PDE1C: variants seen among roughly 807,000 people sequenced by gnomAD.
PDE1C encodes phosphodiesterase 1C.
PDE1C carries 62 observed loss-of-function variants against 93.1 expected under a neutral mutation model. That is an observed-to-expected ratio of 0.67 (90% CI 0.54 to 0.82). PDE1C has a LOEUF of 0.82. PDE1C is among the 40% of genes least tolerant of loss of function. PDE1C has a pLI of 0.00. For missense variants in PDE1C, 742 were observed against 884.6 expected (o/e 0.84, Z 2.04); for synonymous variants, 325 against 310.1 (o/e 1.05, Z -0.50).
chr7:31,707,139 T>C, the PDE1C span: 3 of 1,458,982 alleles, frequency 2.1e-6, no homozygotes, highest in Non-Finnish European at 2.9e-6. Context: ...ACTGTGTCTG[T>C]CTGCAACGTT....
intron 1 of PDE1C, among the ~76,000 whole-genome samples, chr7:32,339,191 TA>T (rs1350342262): frequency 1.3e-5 from 2 of 151,488 alleles, no homozygotes; most frequent in African/African-American, 4.9e-5. Flanking sequence ...TTAAAAGTCA[TA>T]ATAGGACAAC....
intron 1 of PDE1C, among the ~76,000 whole-genome samples, chr7:32,210,678 C>T (rs1204162644): frequency 1.3e-5 from 2 of 152,162 alleles, no homozygotes; most frequent in Non-Finnish European, 2.9e-5. Flanking sequence ...TCACCATCTA[C>T]ACTCTATTAC....
At chr7:31,847,023 T>G (rs1792720708) in intron 9 of PDE1C, among the ~76,000 whole-genome samples, 1 of 152,134 alleles carries the variant, frequency 6.6e-6, no homozygotes, top group African/African-American at 2.4e-5. Context: ...ATTATTTAAT[T>G]AAAATATGAG....
chr7:31,907,539 C>T (rs1458521450), intron 2 of PDE1C, among the ~76,000 whole-genome samples: 1 of 152,076 alleles, frequency 6.6e-6, no homozygotes, highest in East Asian at 1.9e-4. Flanking sequence ...GATAAGCATC[C>T]TTTTGTTAGG....
chr7:32,160,858 G>A (rs1801875298), intron 3 of PDE1C, among the ~76,000 whole-genome samples: 1 of 151,684 alleles, frequency 6.6e-6, no homozygotes, highest in Admixed American at 6.6e-5. Context: ...AGGGAGGGAG[G>A]GAGGGAAGAA....
chr7:31,725,222 G>A, the PDE1C span, among the ~76,000 whole-genome samples: 2 of 152,128 alleles, frequency 1.3e-5, no homozygotes, highest in Non-Finnish European at 2.9e-5. Context: ...GCACAAAGAT[G>A]ATCCTGATGG....
chr7:32,002,614 T>C lies in PDE1C; in HGVS notation c.128+48940A>G, dbSNP rs146707543. 2.0e-3 allele frequency among the ~76,000 whole-genome samples: 310 copies of C among 152,266 alleles called. 2 individuals carry two copies. Among genetic ancestry groups the C allele is most frequent in the African/African-American group, 6.9e-3 (286 of 41,558 alleles). Reference sequence around the variant, plus strand: ...GTTGTGTGGTTTTTGTTTCCAGTATTATTAAACAAAAACCATAGCCAGAGA... The same window carrying C: ...GTTGTGTGGTTTTTGTTTCCAGTATCATTAAACAAAAACCATAGCCAGAGA... On this transcript the variant is annotated intron_variant, in intron 2 of 17. Coordinates refer to ENST00000396191, the MANE Select transcript of PDE1C (RefSeq NM_001191057.4).
intron 1 of PDE1C, among the ~76,000 whole-genome samples, chr7:32,225,921 G>A (rs1807228136): frequency 6.6e-6 from 1 of 152,118 alleles, no homozygotes; most frequent in Non-Finnish European, 1.5e-5. Flanking sequence ...AGCCGGGCAT[G>A]GTGGCACGTG....
rs750990805 is a variant in PDE1C at position 31,753,186 on chromosome 7, C to G, written c.*198G>C. ...CTGGCGTCTGGGCTGATCCCACATACAGCAATTGAAAAGTCTATACAAGAA... is the reference window on the plus strand; with the variant it reads ...CTGGCGTCTGGGCTGATCCCACATAGAGCAATTGAAAAGTCTATACAAGAA... On this transcript the variant is annotated 3_prime_UTR_variant, in exon 18 of 18. Transcript: ENST00000396191. The G allele has an allele frequency of 7.0e-5, 37 of 527,366 alleles. No homozygotes were observed. Among genetic ancestry groups the G allele is most frequent in the Non-Finnish European group, 9.6e-5 (31 of 322,958 alleles). 32.7% of individuals were successfully genotyped at this position (527,366 alleles called of 1,614,324 possible). A position where few individuals can be genotyped will look rare whatever the true frequency, so the allele number is the denominator to read the frequency against.
At chr7:31,643,082 C>T in the PDE1C span, 1 of 1,613,972 alleles carries the variant, frequency 6.2e-7, no homozygotes, top group Non-Finnish European at 8.5e-7. Context: ...TTTATGGTAA[C>T]CCACGTCACA....
chr7:32,217,513 T>C (rs1243079318), intron 1 of PDE1C, among the ~76,000 whole-genome samples: 2 of 152,254 alleles, frequency 1.3e-5, no homozygotes, highest in Non-Finnish European at 2.9e-5. Context: ...GGGATCTGTT[T>C]CAAGCTTAAA....
intron 1 of PDE1C, among the ~76,000 whole-genome samples, chr7:32,381,413 C>T (rs1460029653): frequency 6.6e-6 from 1 of 152,080 alleles, no homozygotes; most frequent in African/African-American, 2.4e-5. Context: ...CATTTCATCT[C>T]CCTTATAATA....
At chr7:32,181,284 T>G (rs1170564174) in intron 2 of PDE1C, among the ~76,000 whole-genome samples, 1 of 152,198 alleles carries the variant, frequency 6.6e-6, no homozygotes, top group Non-Finnish European at 1.5e-5. Context: ...AACTCATCTC[T>G]GCACCAAGCG....
chr7:32,402,706 T>C (rs182496), intron 1 of PDE1C, among the ~76,000 whole-genome samples: 139,997 of 152,258 alleles, frequency 0.92, 65,241 homozygotes, highest in Non-Finnish European at 0.99. Flanking sequence ...TTCACCATCA[T>C]ACTCACCCTC....
intron 2 of PDE1C, among the ~76,000 whole-genome samples, chr7:31,949,886 G>C (rs568448084): frequency 6.6e-4 from 100 of 152,268 alleles, no homozygotes; most frequent in Non-Finnish European, 1.3e-3. Flanking sequence ...ATAAACAGTT[G>C]CTAGTTTACT....
At position 31,880,855 on chromosome 7, in the gene PDE1C, C is replaced by T. The variant is rs775258741; in HGVS notation, c.134G>A (p.Arg45Gln). The T allele has an allele frequency of 1.6e-5, 26 of 1,580,262 alleles. No homozygotes were observed. Among genetic ancestry groups the T allele is most frequent in the South Asian group, 1.6e-4 (14 of 89,936 alleles). ...TCTCTCTAATTGTTTGACCAAAGAC[C>T]GTAATCTAGAAAAATAAAAAGACAT... ...RKYKKTSQRLRSLVKQLERGE... is the reference protein window; with the variant it reads ...RKYKKTSQRLQSLVKQLERGE... The change falls in exon 3 of 18, where the codon CGG (arginine) becomes CAG (glutamine). Residue 45 changes from arginine to glutamine, a missense_variant. Transcript: ENST00000396191.
the PDE1C span, among the ~76,000 whole-genome samples, chr7:31,627,272 T>C: frequency 6.6e-6 from 1 of 152,164 alleles, no homozygotes; most frequent in African/African-American, 2.4e-5. Context: ...TTTATCAAAA[T>C]TTAAAATGGG....
chr7:32,043,708 C>G (rs1792144298), intron 2 of PDE1C, among the ~76,000 whole-genome samples: 1 of 152,068 alleles, frequency 6.6e-6, no homozygotes, highest in Admixed American at 6.6e-5. Context: ...TGTTTCCACC[C>G]AAAGCTTGAG....
At chr7:32,089,425 C>T (rs1336036079) in intron 3 of PDE1C, among the ~76,000 whole-genome samples, 1 of 152,082 alleles carries the variant, frequency 6.6e-6, no homozygotes, top group Non-Finnish European at 1.5e-5. Flanking sequence ...CAACAAACAG[C>T]CCTCTGACTC....
Sources: allele counts gnomAD v4.1 joint callset (sites outside exome capture counted in the v4.1 genomes callset), GRCh38; gene constraint gnomAD v4.1.1; transcripts MANE v1.5; gene names NCBI Gene and HGNC (gene_info 2026-07-23, HGNC 2026-07-21).